The following CANX variants were observed in gnomAD, a reference collection of about 807,000 sequenced individuals.
CANX encodes epididymis secretory sperm binding protein.
In CANX, 14 loss-of-function variants were observed where a neutral mutation model predicts 75.7. The observed-to-expected ratio is 0.19, with a 90% CI of 0.12 to 0.29. The LOEUF (loss-of-function observed/expected upper bound fraction) is 0.29. CANX is among the 10% of genes least tolerant of loss of function. The pLI is 1.00. For synonymous variants in CANX, 227 were observed against 236.9 expected (o/e 0.96, Z 0.38); for missense variants, 567 against 713.2 (o/e 0.79, Z 2.34).
intron 7 of CANX, among the ~76,000 whole-genome samples, chr5:179,713,091 C>CT (rs973706662): frequency 6.6e-6 from 1 of 150,538 alleles, no homozygotes; most frequent in African/African-American, 2.4e-5. Context: ...ACCTTTTTTT[C>CT]TTTTTTTTGT....
chr5:179,685,197 C>T (rs1307097832), intron 1 of CANX, among the ~76,000 whole-genome samples: 3 of 152,134 alleles, frequency 2.0e-5, no homozygotes, highest in African/African-American at 7.2e-5. Flanking sequence ...CTCCTGGGTT[C>T]AAGCGATTCT....
upstream of CANX, chr5:179,694,389 A>AAAGTGCAC (rs1776353850): frequency 1.6e-6 from 1 of 609,858 alleles, no homozygotes; most frequent in Non-Finnish European, 3.0e-6. Flanking sequence ...AAAGACGGAT[A>AAAGTGCAC]AAGTGCACTG....
At chr5:179,680,233 T>G (rs2127761077) in intron 1 of CANX, among the ~76,000 whole-genome samples, 1 of 152,284 alleles carries the variant, frequency 6.6e-6, no homozygotes, top group African/African-American at 2.4e-5. Flanking sequence ...ACAGGCAGGC[T>G]CGGAAGCTTA....
At chr5:179,695,454 C>T (rs534563658), upstream of CANX, among the ~76,000 whole-genome samples, 191 of 152,026 alleles carry the variant, frequency 1.3e-3, 1 homozygote, top group Middle Eastern at 0.01. Flanking sequence ...CTCAGCCTCC[C>T]GAGTAGCTGG....
chr5:179,720,533 T>A lies in CANX; in HGVS notation c.1155T>A (p.Pro385=), dbSNP rs1368420831. 1 of 1,613,980 alleles carries A rather than the reference T, an allele frequency of 6.2e-7. No individual in the cohort carries two copies. Among genetic ancestry groups the A allele is most frequent in the African/African-American group, 1.3e-5 (1 of 74,936 alleles). The change falls in exon 10 of 15, where the codon CCT becomes CCA. Residue 385 remains proline (P), a synonymous_variant. Transcript: ENST00000247461. The part of the protein sequence containing the change: ...DNPNYKGKWK[P]PMIDNPSYQG... The stretch of plus-strand genomic sequence containing the variant: ...CCAATTATAAAGGCAAATGGAAGCC[T>A]CCTATGATTGACAATCCCAGTTACC...
intron 1 of CANX, chr5:179,680,985 T>C: frequency 7.2e-7 from 1 of 1,386,566 alleles, no homozygotes; most frequent in Admixed American, 2.0e-5. Flanking sequence ...CTGTATGTTG[T>C]GCCTCACCTG....
chr5:179,699,166 C>G (rs1199521394), intron 1 of CANX, 64 bp downstream of exon 1: 1 of 952,978 alleles, frequency 1.0e-6, no homozygotes, highest in Non-Finnish European at 1.3e-6. Flanking sequence ...GGGAGCGCCT[C>G]TGCGGCTGAG....
At chr5:179,723,575 C>A in intron 11 of CANX, 85 bp from the exon 12 acceptor site, 1 of 1,407,288 alleles carries the variant, frequency 7.1e-7, no homozygotes, top group Non-Finnish European at 9.8e-7. Flanking sequence ...TAGTGCCATG[C>A]CATAACTGAA....
chr5:179,720,933 G>A (rs1778270427), intron 10 of CANX, among the ~76,000 whole-genome samples: 3 of 151,330 alleles, frequency 2.0e-5, no homozygotes, highest in Admixed American at 2.0e-4. Context: ...ACAGGTGCCT[G>A]CCACCACGCC....
chr5:179,713,516 G>A (rs1352394190), intron 7 of CANX, among the ~76,000 whole-genome samples: 2 of 152,170 alleles, frequency 1.3e-5, no homozygotes, highest in Non-Finnish European at 2.9e-5. Context: ...AAGGTAGAAG[G>A]AATAAATTCT....
chr5:179,712,958 C>T (rs541549913), intron 7 of CANX, among the ~76,000 whole-genome samples: 12 of 144,618 alleles, frequency 8.3e-5, no homozygotes, highest in Non-Finnish European at 9.1e-5. Context: ...TAGTAGAGAC[C>T]GGGTTTCACC....
At chr5:179,725,214 GATTT>G (rs967993123) in intron 13 of CANX, among the ~76,000 whole-genome samples, 3 of 150,742 alleles carry the variant, frequency 2.0e-5, no homozygotes, top group African/African-American at 5.0e-5. Flanking sequence ...TTTGTTTATT[GATTT>G]ATTTATTTGA....
At chr5:179,705,949 G>T in intron 2 of CANX, 97 bp downstream of exon 2, 2 of 957,072 alleles carry the variant, frequency 2.1e-6, no homozygotes, top group Non-Finnish European at 3.3e-6. Context: ...AACTACTCAG[G>T]AGGCCTAGGA....
rs116305151 is a variant in CANX, at chr5:179,679,095, A to C, written c.-4+318A>C. ...GCCCAAAACTGCTGCAGCGTCTGCCACAGGCGGCTGGCATGGCTCGTAGCC... is the reference window on the plus strand; with the variant it reads ...GCCCAAAACTGCTGCAGCGTCTGCCCCAGGCGGCTGGCATGGCTCGTAGCC... On this transcript the variant is annotated intron_variant, in intron 1 of 14. Coordinates refer to the CANX transcript ENST00000681674. 1,049 of 1,535,830 alleles carry C rather than the reference A, an allele frequency of 6.8e-4. 1 individual carries two copies. The highest frequency in any genetic ancestry group is 8.3e-4 in the Non-Finnish European group (947 of 1,146,696).
chr5:179,678,811 G>C, intron 1 of CANX: 1 of 1,537,032 alleles, frequency 6.5e-7, no homozygotes, highest in Non-Finnish European at 8.7e-7. Flanking sequence ...CTTGGCTTTT[G>C]GACCGCTGCA....
intron 8 of CANX, among the ~76,000 whole-genome samples, chr5:179,718,065 TA>T (rs1487653034): frequency 2.0e-5 from 3 of 152,012 alleles, no homozygotes; most frequent in Non-Finnish European, 2.9e-5. Flanking sequence ...AGTACAGTGG[TA>T]CGGTCACGGC....
chr5:179,701,428 C>G (rs1042090776), intron 1 of CANX, among the ~76,000 whole-genome samples: 1 of 151,762 alleles, frequency 6.6e-6, no homozygotes, highest in African/African-American at 2.4e-5. Flanking sequence ...AACCCTGTCT[C>G]TACTAAAAAT....
At chr5:179,696,217 CT>C (rs1776399446), upstream of CANX, among the ~76,000 whole-genome samples, 1 of 151,058 alleles carries the variant, frequency 6.6e-6, no homozygotes, top group Non-Finnish European at 1.5e-5. Context: ...CTCACCCGGC[CT>C]GATTCTTTGT....
intron 7 of CANX, among the ~76,000 whole-genome samples, chr5:179,710,973 G>A (rs1033237492): frequency 6.6e-6 from 1 of 151,474 alleles, no homozygotes; most frequent in Non-Finnish European, 1.5e-5. Flanking sequence ...GCAGAATTAC[G>A]TTAACCCAGG....
Sources: allele counts gnomAD v4.1 joint callset (sites outside exome capture counted in the v4.1 genomes callset), GRCh38; gene constraint gnomAD v4.1.1; transcripts MANE v1.5; gene names NCBI Gene and HGNC (gene_info 2026-07-23, HGNC 2026-07-21).